OR4A5: variants seen among roughly 807,000 people sequenced by gnomAD.
OR4A5 encodes the protein olfactory receptor family 4 subfamily A member 5.
For synonymous variants in OR4A5, 245 were observed against 138.5 expected, an observed-to-expected ratio of 1.77 and a Z score of -5.40; for missense variants, 684 against 381.6, an observed-to-expected ratio of 1.79 and a Z score of -6.60.
chr11:54,707,620 C>T lies in OR4A5; in HGVS notation c.736C>T (p.Leu246Phe), dbSNP rs146541729. Residue 246 changes from leucine (L) to phenylalanine (F), a missense_variant, in exon 1 of 1, where the codon CTC (leucine) becomes TTC (phenylalanine). Physicochemically the swap from Leu to Phe is conservative, Grantham distance 22 (BLOSUM62 0). Coordinates refer to ENST00000319760, the MANE Select transcript of OR4A5 (RefSeq NM_001005272.3). Reference protein sequence around the residue: ...TCSSGSTVVVLFFVPCIFIYV... With the variant: ...TCSSGSTVVVFFFVPCIFIYV... ...CAGCTCCGGCAGTACCGTTGTTGTCCTCTTTTTTGTACCCTGTATTTTCAT... is the reference window on the plus strand; with the variant it reads ...CAGCTCCGGCAGTACCGTTGTTGTCTTCTTTTTTGTACCCTGTATTTTCAT... 72 of 1,612,152 alleles carry T rather than the reference C, an allele frequency of 4.5e-5. No individual in the cohort carries two copies. Among genetic ancestry groups the T allele is most frequent in the Non-Finnish European group, 6.1e-5 (72 of 1,179,344 alleles).
Position 54,707,265 on chromosome 11 carries a change from A to T in OR4A5, c.381A>T (p.Pro127=), listed in dbSNP as rs764709511. The change falls in exon 1 of 1, where the codon CCA becomes CCT. Residue 127 remains proline, a synonymous_variant. Coordinates refer to ENST00000319760, the MANE Select transcript of OR4A5 (RefSeq NM_001005272.3). ...ATCGCTATGTGGCCATCTGTAAGCC[A>T]CTGCACTATTTGACCATCATGAATC... ...ACDRYVAICK[P]LHYLTIMNRQ... is the part of the protein sequence containing the mutation. 17 of 1,613,728 alleles carry T rather than the reference A, an allele frequency of 1.1e-5. No individual in the cohort carries two copies. The African/African-American group carries it at 1.7e-4, about 16-fold the overall frequency.
Position 54,707,602 on chromosome 11 carries a change from G to A in OR4A5, c.718G>A (p.Gly240Ser), listed in dbSNP as rs5011055. 1.5e-4 allele frequency: 247 copies of A among 1,612,750 alleles called. No individual in the cohort carries two copies. The highest frequency in any genetic ancestry group is 3.5e-4 in the African/African-American group (26 of 74,816). ...RGKALSTCSSGSTVVVLFFVP... is the reference protein window; with the variant it reads ...RGKALSTCSSSSTVVVLFFVP... ...TAAAGCCTTGTCTACCTGCAGCTCC[G>A]GCAGTACCGTTGTTGTCCTCTTTTT... Residue 240 changes from glycine (G) to serine (S), a missense_variant, in exon 1 of 1, where the codon GGC becomes AGC. Gly to Ser is a moderately conservative substitution (Grantham distance 56). Coordinates refer to ENST00000319760, the MANE Select transcript of OR4A5 (RefSeq NM_001005272.3).
In OR4A5 at chr11:54,707,584, T is replaced by C; in HGVS notation, c.700T>C (p.Leu234=). ...CAGTCAGGAAAAGAGGGGTAAAGCCTTGTCTACCTGCAGCTCCGGCAGTAC... is the reference window on the plus strand; with the variant it reads ...CAGTCAGGAAAAGAGGGGTAAAGCCCTGTCTACCTGCAGCTCCGGCAGTAC... ...TYSQEKRGKA[L]STCSSGSTVV... is the part of the protein sequence containing the mutation. Residue 234 remains leucine (L), a synonymous_variant, in exon 1 of 1, where the codon TTG becomes CTG. Transcript: ENST00000319760. 6.2e-7 allele frequency: 1 copy of C among 1,613,432 alleles called. No homozygotes were observed. Among genetic ancestry groups the C allele is most frequent in the Non-Finnish European group, 8.5e-7 (1 of 1,179,658 alleles).
chr11:54,707,679 T>C lies in OR4A5; in HGVS notation c.795T>C (p.Asp265=), dbSNP rs1854063881. 1 of 1,610,958 alleles carries C rather than the reference T, an allele frequency of 6.2e-7. No individual in the cohort carries two copies. ...GACCTGTTTCAAACTTTCCTACTGA[T>C]AAGTTCATGACTGTGTTTTATACCA... ...YVRPVSNFPT[D]KFMTVFYTII... Residue 265 remains aspartate (D), a synonymous_variant, in exon 1 of 1, where the codon GAT becomes GAC. Coordinates refer to ENST00000319760, the MANE Select transcript of OR4A5 (RefSeq NM_001005272.3).
rs748448259 is a variant in OR4A5, at chr11:54,707,094, A to C, written c.210A>C (p.Ala70=). The C allele has an allele frequency of 1.9e-6, 3 of 1,613,720 alleles. No homozygotes were observed. The East Asian group carries it at 6.7e-5, about 36-fold the overall frequency. ...CCTGCCTGTCATTTATAGATGCTGC[A>C]TATTCCACTACCATTTCTCCCAAGT... ...FLACLSFIDA[A]YSTTISPKLI... Residue 70 remains alanine, a synonymous_variant, in exon 1 of 1, where the codon GCA becomes GCC. Transcript: ENST00000319760.
Position 54,707,793 on chromosome 11 carries a change from A to G in OR4A5, c.909A>G (p.Leu303=). 6.4e-7 allele frequency: 1 copy of G among 1,555,892 alleles called. No homozygotes were observed. The highest frequency in any genetic ancestry group is 1.7e-4 in the Middle Eastern group (1 of 5,828). The change falls in exon 1 of 1, where the codon TTA becomes TTG. Residue 303 remains leucine, a synonymous_variant. Coordinates refer to ENST00000319760, the MANE Select transcript of OR4A5 (RefSeq NM_001005272.3). The part of the protein sequence containing the change: ...NAIEKLLGKK[L]TIFIIGGVSV... ...TAGAAAAACTCTTGGGTAAAAAGTT[A>G]ACTATATTTATTATAGGAGGAGTGT...
At position 54,707,047 on chromosome 11, in the gene OR4A5, T is replaced by C. The variant is rs1854046287; in HGVS notation, c.163T>C (p.Ser55Pro). Residue 55 changes from serine to proline, a missense_variant, in exon 1 of 1, where the codon TCC (serine) becomes CCC (proline). Physicochemically the swap from Ser to Pro is moderately conservative, Grantham distance 74. Transcript: ENST00000319760. ...VDIIASPSLG[S>P]PMYFFLACLS... is the part of the protein sequence containing the mutation. ...TATTATTGCCAGCCCTTCCTTGGGT[T>C]CCCCAATGTATTTCTTCCTTGCCTG... 6.2e-7 allele frequency: 1 copy of C among 1,613,722 alleles called. No individual in the cohort carries two copies. Among genetic ancestry groups the C allele is most frequent in the East Asian group, 2.2e-5 (1 of 44,758 alleles).
rs141762692 is a variant in OR4A5, at chr11:54,707,242, C to G, written c.358C>G (p.Arg120Gly). Reference sequence around the variant, plus strand: ...CCTTCTGGTGGTGATGGCCTGTGATCGCTATGTGGCCATCTGTAAGCCACT... The same window carrying G: ...CCTTCTGGTGGTGATGGCCTGTGATGGCTATGTGGCCATCTGTAAGCCACT... ...VFLLVVMACD[R>G]YVAICKPLHY... The change falls in exon 1 of 1, where the codon CGC (arginine) becomes GGC (glycine). Residue 120 changes from arginine to glycine, a missense_variant. Physicochemically the swap from Arg to Gly is moderately radical, Grantham distance 125 (BLOSUM62 -2). Transcript: ENST00000319760. 8 of 1,613,536 alleles carry G rather than the reference C, an allele frequency of 5.0e-6. No individual in the cohort carries two copies. The Admixed American group carries it at 1.3e-4, about 27-fold the overall frequency.
In OR4A5 at chr11:54,707,735, A is replaced by G. The variant is rs746779798; in HGVS notation, c.851A>G (p.Tyr284Cys). The G allele has an allele frequency of 3.8e-6, 6 of 1,596,938 alleles. No individual in the cohort carries two copies. The highest frequency in any genetic ancestry group is 1.7e-5 in the Admixed American group (1 of 59,176). ...ACACACATGCTGAGTCCTTTAATAT[A>G]TACGTTGAGAAATTCAGAGATGAGA... ...IITHMLSPLIYTLRNSEMRNA... is the reference protein window; with the variant it reads ...IITHMLSPLICTLRNSEMRNA... Residue 284 changes from tyrosine to cysteine, a missense_variant, in exon 1 of 1, where the codon TAT becomes TGT. Transcript: ENST00000319760.
Position 54,707,468 on chromosome 11 carries a change from C to A in OR4A5, c.584C>A (p.Thr195Asn), listed in dbSNP as rs1216352785. The A allele has an allele frequency of 6.2e-7, 1 of 1,613,532 alleles. No individual in the cohort carries two copies. The highest frequency in any genetic ancestry group is 8.5e-7 in the Non-Finnish European group (1 of 1,179,798). The change falls in exon 1 of 1, where the codon ACT becomes AAT. Residue 195 changes from threonine to asparagine, a missense_variant. Coordinates refer to ENST00000319760, the MANE Select transcript of OR4A5 (RefSeq NM_001005272.3). The stretch of plus-strand genomic sequence containing the variant: ...ACTGACACCTACTTTATAGGCCTCA[C>A]TGTTGTTGTCAATAGTGGAGCAATC... ...ACTDTYFIGL[T>N]VVVNSGAICM...
rs5002408 is a variant in OR4A5 at position 54,707,205 on chromosome 11, G to A, written c.321G>A (p.Gly107=). Residue 107 remains glycine, a synonymous_variant, in exon 1 of 1, where the codon GGG becomes GGA. Transcript: ENST00000319760. The stretch of plus-strand genomic sequence containing the variant: ...TATTTATAGACCATTTCTTTGGTGG[G>A]GCTGAGGTCTTCCTTCTGGTGGTGA... ...GQLFIDHFFG[G]AEVFLLVVMA... is the part of the protein sequence containing the mutation. 1 of 1,613,698 alleles carries A rather than the reference G, an allele frequency of 6.2e-7. No individual in the cohort carries two copies.
chr11:54,707,630 TACCC>T lies in OR4A5; in HGVS notation c.747_750del (p.Pro250ValfsTer18). Reference sequence around the variant, plus strand: ...AGTACCGTTGTTGTCCTCTTTTTTGTACCCTGTATTTTCATATATGTTAGACCTG... The same window carrying T: ...AGTACCGTTGTTGTCCTCTTTTTTGTTGTATTTTCATATATGTTAGACCTG... On this transcript the variant is annotated frameshift_variant, in exon 1 of 1. Coordinates refer to ENST00000319760, the MANE Select transcript of OR4A5 (RefSeq NM_001005272.3). LOFTEE classifies it low-confidence loss of function (END_TRUNC). 6.2e-7 allele frequency: 1 copy of T among 1,611,912 alleles called. No homozygotes were observed. Among genetic ancestry groups the T allele is most frequent in the Non-Finnish European group, 8.5e-7 (1 of 1,179,216 alleles).
chr11:54,707,296 G>T lies in OR4A5; in HGVS notation c.412G>T (p.Val138Phe). 2 of 1,613,760 alleles carry T rather than the reference G, an allele frequency of 1.2e-6. No individual in the cohort carries two copies. Among genetic ancestry groups the T allele is most frequent in the Non-Finnish European group, 1.7e-6 (2 of 1,179,886 alleles). ...LHYLTIMNRQVCFLLLVVAMI... is the reference protein window; with the variant it reads ...LHYLTIMNRQFCFLLLVVAMI... The stretch of plus-strand genomic sequence containing the variant: ...CTATTTGACCATCATGAATCGACAG[G>T]TTTGCTTCCTTCTGTTGGTGGTGGC... Residue 138 changes from valine to phenylalanine, a missense_variant, in exon 1 of 1, where the codon GTT becomes TTT. Coordinates refer to ENST00000319760, the MANE Select transcript of OR4A5 (RefSeq NM_001005272.3).
In OR4A5 at chr11:54,707,656, C is replaced by T. The variant is rs537220653; in HGVS notation, c.772C>T (p.Pro258Ser). ...FVPCIFIYVR[P>S]VSNFPTDKFM... ...ACCCTGTATTTTCATATATGTTAGACCTGTTTCAAACTTTCCTACTGATAA... is the reference window on the plus strand; with the variant it reads ...ACCCTGTATTTTCATATATGTTAGATCTGTTTCAAACTTTCCTACTGATAA... Residue 258 changes from proline to serine, a missense_variant, in exon 1 of 1, where the codon CCT becomes TCT. Physicochemically the swap from Pro to Ser is moderately conservative, Grantham distance 74. Coordinates refer to ENST00000319760, the MANE Select transcript of OR4A5 (RefSeq NM_001005272.3). 2 of 1,612,106 alleles carry T rather than the reference C, an allele frequency of 1.2e-6. No homozygotes were observed. Among genetic ancestry groups the T allele is most frequent in the Non-Finnish European group, 1.7e-6 (2 of 1,179,198 alleles).
In OR4A5 at chr11:54,707,344, T is replaced by A. The variant is rs1565035105; in HGVS notation, c.460T>A (p.Ser154Thr). The A allele has an allele frequency of 1.2e-6, 2 of 1,613,640 alleles. No individual in the cohort carries two copies. The highest frequency in any genetic ancestry group is 1.7e-6 in the Non-Finnish European group (2 of 1,179,910). Residue 154 changes from serine (S) to threonine (T), a missense_variant, in exon 1 of 1, where the codon TCT (serine) becomes ACT (threonine). Ser to Thr is a moderately conservative substitution (Grantham distance 58). Coordinates refer to ENST00000319760, the MANE Select transcript of OR4A5 (RefSeq NM_001005272.3). ...VVAMIGGFVH[S>T]AFQIVVYSLP... The stretch of plus-strand genomic sequence containing the variant: ...GGCCATGATTGGAGGTTTTGTACAT[T>A]CTGCGTTTCAAATTGTTGTGTACAG...
rs745506016 is a variant in OR4A5 at position 54,707,653 on chromosome 11, A to C, written c.769A>C (p.Arg257=). The change falls in exon 1 of 1, where the codon AGA becomes CGA. Residue 257 remains arginine, a synonymous_variant. Coordinates refer to ENST00000319760, the MANE Select transcript of OR4A5 (RefSeq NM_001005272.3). ...TGTACCCTGTATTTTCATATATGTT[A>C]GACCTGTTTCAAACTTTCCTACTGA... ...FFVPCIFIYV[R]PVSNFPTDKF... is the part of the protein sequence containing the mutation. 3 of 1,612,252 alleles carry C rather than the reference A, an allele frequency of 1.9e-6. No homozygotes were observed. The South Asian group carries it at 3.3e-5, about 18-fold the overall frequency.
chr11:54,707,176 C>T lies in OR4A5; in HGVS notation c.292C>T (p.Gln98Ter), dbSNP rs1433531708. The change falls in exon 1 of 1, where the codon CAG (glutamine) becomes TAG (stop). Residue 98 changes from glutamine to a stop codon, truncating the protein, a stop_gained. Transcript: ENST00000319760. LOFTEE classifies it low-confidence loss of function (END_TRUNC). Reference sequence around the variant, plus strand: ...TATTTCCTTCCAAGGTTGCATGGGCCAGCTATTTATAGACCATTTCTTTGG... The same window carrying T: ...TATTTCCTTCCAAGGTTGCATGGGCTAGCTATTTATAGACCATTTCTTTGG... ...KTISFQGCMG[Q>*]LFIDHFFGGA... 1 of 1,613,726 alleles carries T rather than the reference C, an allele frequency of 6.2e-7. No homozygotes were observed.
chr11:54,707,814 A>T lies in OR4A5; in HGVS notation c.930A>T (p.Gly310=). 1.3e-6 allele frequency: 2 copies of T among 1,504,690 alleles called. No individual in the cohort carries two copies. Among genetic ancestry groups the T allele is most frequent in the Non-Finnish European group, 1.8e-6 (2 of 1,100,622 alleles). 93.2% of individuals were successfully genotyped at this position (1,504,690 alleles called of 1,614,324 possible). Residue 310 remains glycine, a synonymous_variant, in exon 1 of 1, where the codon GGA becomes GGT. Transcript: ENST00000319760. The part of the protein sequence containing the change: ...GKKLTIFIIG[G]VSVLM ...AGTTAACTATATTTATTATAGGAGGAGTGTCCGTCCTCATGTAGGTAAGGA... is the reference window on the plus strand; with the variant it reads ...AGTTAACTATATTTATTATAGGAGGTGTGTCCGTCCTCATGTAGGTAAGGA...
In OR4A5 at chr11:54,707,455, T is replaced by C; in HGVS notation, c.571T>C (p.Phe191Leu). ...LLELACTDTY[F>L]IGLTVVVNSG... ...GGAACTGGCATGCACTGACACCTAC[T>C]TTATAGGCCTCACTGTTGTTGTCAA... The change falls in exon 1 of 1, where the codon TTT (phenylalanine) becomes CTT (leucine). Residue 191 changes from phenylalanine (F) to leucine (L), a missense_variant. Coordinates refer to ENST00000319760, the MANE Select transcript of OR4A5 (RefSeq NM_001005272.3). 6.2e-7 allele frequency: 1 copy of C among 1,613,470 alleles called. No individual in the cohort carries two copies. Among genetic ancestry groups the C allele is most frequent in the Non-Finnish European group, 8.5e-7 (1 of 1,179,800 alleles).
Sources: allele counts gnomAD v4.1 joint callset, GRCh38; gene constraint gnomAD v4.1.1; transcripts MANE v1.5; gene names NCBI Gene and HGNC (gene_info 2026-07-23, HGNC 2026-07-21).